Variants in THSD7A observed in about 807,000 individuals in gnomAD.
THSD7A encodes the protein thrombospondin type 1 domain containing 7A.
Under a neutral mutation model 231.3 loss-of-function variants are expected in THSD7A, and 96 were observed. The observed-to-expected ratio is 0.41, with a 90% CI of 0.35 to 0.49. THSD7A has a LOEUF of 0.49. Ranked by LOEUF, THSD7A falls within the 20% of genes least tolerant of loss-of-function variation. The pLI, the probability that THSD7A is intolerant of heterozygous loss-of-function variation, is 0.05. For missense variants in THSD7A, 2,290 were observed against 2,070.2 expected (o/e 1.11, Z -2.06); for synonymous variants, 940 against 743.3 (o/e 1.26, Z -4.30).
chr7:11,726,998 C>A (rs951451006), intron 1 of THSD7A, among the ~76,000 whole-genome samples: 23 of 151,932 alleles, frequency 1.5e-4, no homozygotes, highest in African/African-American at 5.6e-4. Context: ...GTGATACATG[C>A]ACCACGAACA....
chr7:11,377,141 A>C lies in THSD7A; in HGVS notation c.4802-484T>G, dbSNP rs1782308204. ...GGTAAAATGAAAGTGAATATATTTA[A>C]GATTTTATGGAATTAATAATCTTTT... On this transcript the variant is annotated intron_variant, in intron 26 of 27. Transcript: ENST00000423059. The surrounding 1 kb of genome is among the most constrained non-coding windows in gnomAD (Gnocchi z 4.5). The C allele has an allele frequency of 6.6e-6, 1 of 152,170 alleles. No homozygotes were observed. Among genetic ancestry groups the C allele is most frequent in the Non-Finnish European group, 1.5e-5 (1 of 68,030 alleles). 9.4% of individuals were successfully genotyped at this position (152,170 alleles called of 1,614,324 possible). A position where few individuals can be genotyped will look rare whatever the true frequency, so the allele number is the denominator to read the frequency against.
chr7:11,548,883 C>G (rs1033586868), intron 4 of THSD7A, among the ~76,000 whole-genome samples: 22 of 150,072 alleles, frequency 1.5e-4, no homozygotes, highest in Non-Finnish European at 8.9e-5. Flanking sequence ...AACACACAAC[C>G]AATATTATAC....
chr7:11,481,729 A>G, intron 7 of THSD7A, 59 bp downstream of exon 7: 1 of 1,474,110 alleles, frequency 6.8e-7, no homozygotes, highest in Non-Finnish European at 9.1e-7. Context: ...GGCTACACAA[A>G]AAAGATGCAC....
intron 6 of THSD7A, among the ~76,000 whole-genome samples, chr7:11,525,517 G>C (rs576808718): frequency 6.6e-6 from 1 of 152,132 alleles, no homozygotes; most frequent in Admixed American, 6.6e-5. Flanking sequence ...TTCAACTATA[G>C]TAATACAACT....
chr7:11,439,343 G>A (rs1784730565), intron 13 of THSD7A, among the ~76,000 whole-genome samples: 1 of 151,914 alleles, frequency 6.6e-6, no homozygotes, highest in African/African-American at 2.4e-5. Flanking sequence ...TGACAATCTT[G>A]CATTGAGCAA....
chr7:11,762,921 C>T (rs1024759434), intron 1 of THSD7A, among the ~76,000 whole-genome samples: 2 of 152,134 alleles, frequency 1.3e-5, no homozygotes, highest in East Asian at 3.9e-4. Context: ...TTCACGTTAC[C>T]TATGTCATTT....
At chr7:11,675,317 G>A (rs187744663) in intron 1 of THSD7A, among the ~76,000 whole-genome samples, 1 of 152,248 alleles carries the variant, frequency 6.6e-6, no homozygotes, top group Admixed American at 6.5e-5. Context: ...AGGGCCCTAG[G>A]TTTCAAGCAC....
intron 6 of THSD7A, among the ~76,000 whole-genome samples, chr7:11,511,530 A>G (rs968630388): frequency 6.6e-6 from 1 of 152,218 alleles, no homozygotes; most frequent in Non-Finnish European, 1.5e-5. Context: ...CTGACTTCAA[A>G]CTATACCACA....
chr7:11,618,745 G>T (rs1349597818), intron 2 of THSD7A, among the ~76,000 whole-genome samples: 1 of 150,798 alleles, frequency 6.6e-6, no homozygotes, highest in Non-Finnish European at 1.5e-5. Flanking sequence ...CAGAGATCGC[G>T]CCAACACTGC....
intron 1 of THSD7A, among the ~76,000 whole-genome samples, chr7:11,753,732 G>T (rs1474265632): frequency 6.6e-6 from 1 of 151,896 alleles, no homozygotes; most frequent in Non-Finnish European, 1.5e-5. Context: ...ATTTGGAAAA[G>T]ATTAATGCAC....
At chr7:11,509,648 G>A (rs533981704) in intron 6 of THSD7A, among the ~76,000 whole-genome samples, 36 of 150,860 alleles carry the variant, frequency 2.4e-4, no homozygotes, top group Non-Finnish European at 3.1e-4. Flanking sequence ...GTGAAACCCC[G>A]TCTCTATTAA....
rs143444327 is a variant in THSD7A, at chr7:11,605,174, A to C, written c.1023-11672T>G. Among the ~76,000 whole-genome samples, 497 of 152,148 alleles carry C rather than the reference A, an allele frequency of 3.3e-3. 1 individual carries two copies. The highest frequency in any genetic ancestry group is 5.4e-3 in the Non-Finnish European group (364 of 68,004). On this transcript the variant is annotated intron_variant, in intron 2 of 27. Transcript: ENST00000423059. Reference sequence around the variant, plus strand: ...TCTCTCCTTTATCCCTCCTCTCTCTATATGTACATGTATATATGTATATAT... The same window carrying C: ...TCTCTCCTTTATCCCTCCTCTCTCTCTATGTACATGTATATATGTATATAT...
At chr7:11,381,897 T>A (rs1402716962) in intron 24 of THSD7A, among the ~76,000 whole-genome samples, 3 of 152,224 alleles carry the variant, frequency 2.0e-5, no homozygotes, top group Middle Eastern at 6.8e-3. Context: ...AGTAGTTCTT[T>A]GGAGGTATAT....
chr7:11,753,692 T>C (rs562316112), intron 1 of THSD7A, among the ~76,000 whole-genome samples: 35 of 151,882 alleles, frequency 2.3e-4, no homozygotes, highest in African/African-American at 5.3e-4. Flanking sequence ...CCTGAGACCA[T>C]ACATATGAAA....
At chr7:11,727,490 T>C (rs1781585711) in intron 1 of THSD7A, among the ~76,000 whole-genome samples, 2 of 151,974 alleles carry the variant, frequency 1.3e-5, no homozygotes, top group South Asian at 4.1e-4. Context: ...CCTATAGAAA[T>C]ACTTATTATA....
At chr7:11,797,368 T>G (rs969192460) in intron 1 of THSD7A, among the ~76,000 whole-genome samples, 1 of 151,316 alleles carries the variant, frequency 6.6e-6, no homozygotes, top group African/African-American at 2.4e-5. Flanking sequence ...CCTCCCTCTT[T>G]CCTTCTTTCC....
rs201680831 is a variant in THSD7A, at chr7:11,636,215, C to G, written c.937G>C (p.Glu313Gln). The change falls in exon 2 of 28, where the codon GAG (glutamate) becomes CAG (glutamine). Residue 313 changes from glutamate to glutamine, a missense_variant. Coordinates refer to ENST00000423059, the MANE Select transcript of THSD7A (RefSeq NM_015204.3). This position sits in a 1 kb window ranked among gnomAD's most constrained non-coding sequence, Gnocchi z 10.0. ...ATCTGGATGTCCCAATATTTGTTCTCTTGTCTGTTCTGCCTGTTTCTGTTT... is the reference window on the plus strand; with the variant it reads ...ATCTGGATGTCCCAATATTTGTTCTGTTGTCTGTTCTGCCTGTTTCTGTTT... ...KRNRNRQNRQ[E>Q]NKYWDIQIGY... The G allele has an allele frequency of 6.2e-7, 1 of 1,614,062 alleles. No individual in the cohort carries two copies. Among genetic ancestry groups the G allele is most frequent in the African/African-American group, 1.3e-5 (1 of 75,060 alleles).
intron 9 of THSD7A, among the ~76,000 whole-genome samples, chr7:11,464,254 G>A (rs1439571544): frequency 6.6e-6 from 1 of 151,898 alleles, no homozygotes; most frequent in African/African-American, 2.4e-5. Context: ...TTAATGGGGA[G>A]GTAAGACGTA....
intron 6 of THSD7A, chr7:11,520,124 A>G (rs1196755457): frequency 6.6e-6 from 1 of 152,188 alleles, no homozygotes; most frequent in African/African-American, 2.4e-5. Context: ...TCACAGCTGG[A>G]AACAATCTCT....
Sources: gnomAD v4.1 joint callset for allele counts (sites outside exome capture counted in the v4.1 genomes callset) on GRCh38, gnomAD v4.1.1 for gene constraint, Gnocchi (gnomAD v3.1) non-coding constraint, MANE v1.5 for transcripts, NCBI Gene and HGNC (gene_info 2026-07-23, HGNC 2026-07-21) for gene names.